Variants in ARL10 observed in about 807,000 individuals in gnomAD.
The protein encoded by ARL10 is ARF like GTPase 10, also known as ADP-ribosylation factor-like protein 10.
In ARL10, 23 loss-of-function variants were observed where a neutral mutation model predicts 26.1. The ratio of observed to expected loss-of-function variants is 0.88; its 90% CI spans 0.63 to 1.25. ARL10 has a LOEUF of 1.25. ARL10 is among the 50% of genes most tolerant of loss of function. The probability of loss-of-function intolerance (pLI) is 0.00; values close to 1 mark genes in which losing one functional copy is unlikely to be tolerated. For synonymous variants in ARL10, 138 were observed against 149.1 expected, an observed-to-expected ratio of 0.93 and a Z score of 0.54; for missense variants, 300 against 323.6, an observed-to-expected ratio of 0.93 and a Z score of 0.56.
rs1407903713 is a variant in ARL10 at position 176,379,349 on chromosome 5, G to A, written c.*7454G>A. ...ACGCCCAGCTTATTTTTTGTATTTA[G>A]TAGAGATGGGGTTTCACCGTGTTCG... On this transcript the variant is annotated 3_prime_UTR_variant, in exon 4 of 4. Coordinates refer to ENST00000310389, the MANE Select transcript of ARL10 (RefSeq NM_173664.6). 1.3e-5 allele frequency: 2 copies of A among 150,002 alleles called. No individual in the cohort carries two copies. The highest frequency in any genetic ancestry group is 2.1e-4 in the East Asian group (1 of 4,864). 9.3% of individuals were successfully genotyped at this position (150,002 alleles called of 1,614,324 possible). A position where few individuals can be genotyped will look rare whatever the true frequency, so the allele number is the denominator to read the frequency against.
downstream of ARL10, among the ~76,000 whole-genome samples, chr5:176,390,338 G>A (rs565068833): frequency 1.3e-5 from 2 of 151,912 alleles, no homozygotes; most frequent in South Asian, 2.1e-4. Context: ...TCCCATAGTC[G>A]GGTCAGAGGC....
At chr5:176,397,687 C>T (rs2113635692) in intron 1 of ARL10, 1 of 1,613,934 alleles carries the variant, frequency 6.2e-7, no homozygotes, top group Non-Finnish European at 8.5e-7. Context: ...CCTTCTCCCG[C>T]CATTCCTGTT....
At chr5:176,409,405 CCTTTT>C in the ARL10 span, among the ~76,000 whole-genome samples, 1 of 141,034 alleles carries the variant, frequency 7.1e-6, no homozygotes, top group Admixed American at 7.4e-5. Context: ...ATCTGATTGC[CCTTTT>C]TTTTTTTTTT....
intron 1 of ARL10, among the ~76,000 whole-genome samples, chr5:176,395,342 T>C (rs1756467946): frequency 6.6e-6 from 1 of 152,164 alleles, no homozygotes; most frequent in South Asian, 2.1e-4. Context: ...GCCCTTATCA[T>C]AACACACTCC....
In ARL10 at chr5:176,379,713, A is replaced by G. The variant is rs1307379225; in HGVS notation, c.*7818A>G. On this transcript the variant is annotated 3_prime_UTR_variant, in exon 4 of 4. Coordinates refer to ENST00000310389, the MANE Select transcript of ARL10 (RefSeq NM_173664.6). ...GGTTCATCTTTCTTTTGCCCACAAG[A>G]TTATGTGATTGACCAATCAATTTTT... 3 of 152,202 alleles carry G rather than the reference A, an allele frequency of 2.0e-5. No individual in the cohort carries two copies. In the East Asian group the frequency reaches 5.8e-4, roughly 29 times the overall value. 9.4% of individuals were successfully genotyped at this position (152,202 alleles called of 1,614,324 possible).
At chr5:176,371,322 G>C (rs1220477541) in intron 3 of ARL10, among the ~76,000 whole-genome samples, 1 of 152,222 alleles carries the variant, frequency 6.6e-6, no homozygotes, top group African/African-American at 2.4e-5. Flanking sequence ...GGTGGAGGTT[G>C]CAGTGAGCCA....
downstream of ARL10, chr5:176,392,770 G>T: frequency 6.2e-7 from 1 of 1,613,756 alleles, no homozygotes; most frequent in African/African-American, 1.3e-5. The surrounding 1 kb of genome is among the most constrained non-coding windows in gnomAD (Gnocchi z 5.2). Flanking sequence ...CACCTAGCAG[G>T]CACCTAGCGG....
downstream of ARL10, chr5:176,384,169 C>T (rs769659949): frequency 6.2e-7 from 1 of 1,614,064 alleles, no homozygotes; most frequent in Non-Finnish European, 8.5e-7. Context: ...GCCTTACACC[C>T]TGGCTCCAGC....
At chr5:176,401,147 C>T (rs1316567106) in intron 1 of ARL10, among the ~76,000 whole-genome samples, 1 of 152,238 alleles carries the variant, frequency 6.6e-6, no homozygotes, top group East Asian at 1.9e-4. Flanking sequence ...ACTGCTGCTC[C>T]TTTCTGGGAA....
intron 1 of ARL10, among the ~76,000 whole-genome samples, chr5:176,400,024 T>G (rs1024289469): frequency 1.3e-5 from 2 of 151,958 alleles, no homozygotes; most frequent in Non-Finnish European, 2.9e-5. Flanking sequence ...AAACCCCATC[T>G]CTACTAAAAA....
At chr5:176,367,833 T>A in intron 2 of ARL10, 1 of 502,264 alleles carries the variant, frequency 2.0e-6, no homozygotes, top group Non-Finnish European at 3.9e-6. Flanking sequence ...TTTTTCTGTT[T>A]TATTTCTTTC....
Position 176,397,322 on chromosome 5 carries a change from A to G in ARL10, c.134-4419A>G, listed in dbSNP as rs1233510215. Among the ~76,000 whole-genome samples the G allele has an allele frequency of 2.7e-5, 3 of 109,992 alleles. No homozygotes were observed. The East Asian group carries it at 8.0e-4, about 29-fold the overall frequency. The allele number at this position is 109,992 out of a possible 152,430, so 72.2% of individuals were successfully genotyped here. A position where few individuals can be genotyped will look rare whatever the true frequency, so the allele number is the denominator to read the frequency against. On this transcript the variant is annotated intron_variant, in intron 1 of 1. Coordinates refer to the ARL10 transcript ENST00000514533. ...TCCCCACAGCCCCTCTCATGTCCCC[A>G]TAGCCCCTCTCATGTCCCCACAGCC...
chr5:176,395,216 A>G (rs932811723), intron 1 of ARL10, among the ~76,000 whole-genome samples: 8 of 151,390 alleles, frequency 5.3e-5, no homozygotes, highest in African/African-American at 1.9e-4. Context: ...CACCCTCCCT[A>G]TCCAGCAAAC....
chr5:176,369,935 G>A (rs1339787374), intron 3 of ARL10, among the ~76,000 whole-genome samples: 2 of 149,192 alleles, frequency 1.3e-5, no homozygotes, highest in Non-Finnish European at 3.0e-5. Context: ...CTCCAGCCTG[G>A]GTGACACAGC....
intron 1 of ARL10, among the ~76,000 whole-genome samples, chr5:176,398,433 C>T (rs1231465364): frequency 6.6e-6 from 1 of 152,096 alleles, no homozygotes; most frequent in African/African-American, 2.4e-5. Context: ...TAAAGAATGT[C>T]GGGCGCAGTG....
Position 176,399,107 on chromosome 5 carries a change from G to C in ARL10, c.134-2634G>C, listed in dbSNP as rs906116243. On this transcript the variant is annotated intron_variant, in intron 1 of 1. Coordinates refer to the ARL10 transcript ENST00000514533. ...GATCCACCGGCCTCGGCCTCCCCAA[G>C]TGCTGGGATTACAGGCTTGAGCCAC... Among the ~76,000 whole-genome samples the C allele has an allele frequency of 2.2e-4, 33 of 152,100 alleles. 1 individual carries two copies. The highest frequency in any genetic ancestry group is 7.2e-5 in the African/African-American group (3 of 41,422).
chr5:176,365,496 G>C lies in ARL10; in HGVS notation c.-68G>C. 6.1e-6 allele frequency: 7 copies of C among 1,152,686 alleles called. No homozygotes were observed. The highest frequency in any genetic ancestry group is 7.6e-6 in the Non-Finnish European group (7 of 921,982). The allele number at this position is 1,152,686 out of a possible 1,614,324, so 71.4% of individuals were successfully genotyped here. A position where few individuals can be genotyped will look rare whatever the true frequency, so the allele number is the denominator to read the frequency against. ...TGGGCGCGGCCGCAGCAGTCGCAGC[G>C]GGGCCATCTTCGGCGGGCGAGTGGG... On this transcript the variant is annotated 5_prime_UTR_variant, in exon 1 of 4. Coordinates refer to ENST00000310389, the MANE Select transcript of ARL10 (RefSeq NM_173664.6).
intron 2 of ARL10, among the ~76,000 whole-genome samples, chr5:176,367,316 T>A (rs1264744153): frequency 1.4e-5 from 2 of 144,880 alleles, no homozygotes; most frequent in African/African-American, 5.0e-5. Flanking sequence ...ACCATTCTAG[T>A]TTTTTTTTTT....
the ARL10 span, chr5:176,410,419 C>A: frequency 4.1e-6 from 3 of 726,936 alleles, no homozygotes; most frequent in Non-Finnish European, 4.7e-6. Flanking sequence ...TATATCGACC[C>A]ACATGCAAAC....
Sources: gnomAD v4.1 joint callset for allele counts (sites outside exome capture counted in the v4.1 genomes callset) on GRCh38, gnomAD v4.1.1 for gene constraint, Gnocchi (gnomAD v3.1) non-coding constraint, MANE v1.5 for transcripts, NCBI Gene and HGNC (gene_info 2026-07-23, HGNC 2026-07-21) for gene names.